THEM4: variants seen among roughly 807,000 people sequenced by gnomAD.
The protein encoded by THEM4 is acyl-coenzyme A thioesterase THEM4.
A neutral mutation model predicts 25.0 loss-of-function variants in THEM4; 22 were observed. The observed-to-expected ratio is 0.88, with a 90% CI of 0.63 to 1.26. The LOEUF is 1.26. Among genes scored for constraint, THEM4 ranks in the 50% most tolerant of loss-of-function variants. The pLI, the probability that THEM4 is intolerant of heterozygous loss-of-function variation, is 0.00. For missense variants in THEM4, 286 were observed against 300.3 expected, an observed-to-expected ratio of 0.95 and a Z score of 0.35; for synonymous variants, 113 against 105.6, an observed-to-expected ratio of 1.07 and a Z score of -0.43.
intron 5 of THEM4, 127 bp from the exon 6 acceptor site, chr1:151,875,055 C>T: frequency 3.8e-6 from 3 of 785,726 alleles, no homozygotes; most frequent in Non-Finnish European, 4.3e-6. Flanking sequence ...TCTATCTGTC[C>T]ACTCTCATTT....
chr1:151,884,797 T>C lies in THEM4; in HGVS notation c.557+3476A>G, dbSNP rs555303299. ...TCTGCCTCCTGGGTTCAAGTGATTC[T>C]CCTGCCTCAGCCTCCCAAGTAGCTG... On this transcript the variant is annotated intron_variant, in intron 4 of 5. Coordinates refer to ENST00000368814, the MANE Select transcript of THEM4 (RefSeq NM_053055.5). 2.0e-5 allele frequency among the ~76,000 whole-genome samples: 3 copies of C among 151,990 alleles called. No individual in the cohort carries two copies. In the South Asian group the frequency reaches 6.2e-4, roughly 31 times the overall value.
At position 151,895,121 on chromosome 1, in the gene THEM4, C is replaced by T; in HGVS notation, c.173G>A (p.Arg58Lys). 6.2e-7 allele frequency: 1 copy of T among 1,614,094 alleles called. No individual in the cohort carries two copies. Among genetic ancestry groups the T allele is most frequent in the Non-Finnish European group, 8.5e-7 (1 of 1,180,008 alleles). Residue 58 changes from arginine (R) to lysine (K), a missense_variant, in exon 2 of 6, where the codon AGA (arginine) becomes AAA (lysine). Physicochemically the swap from Arg to Lys is conservative, Grantham distance 26. Transcript: ENST00000368814. ...VPNPSWNKDL[R>K]LLFDQFMKKC... ...CTTCATAAACTGGTCAAAGAGCAGT[C>T]TTAGGTCCTTGTTCCAGCTGGGGTT...
rs1297419974 is a variant in THEM4 at position 151,871,336 on chromosome 1, A to G, written c.*3552T>C. Among the ~76,000 whole-genome samples the G allele has an allele frequency of 2.0e-5, 3 of 151,892 alleles. No individual in the cohort carries two copies. The highest frequency in any genetic ancestry group is 4.4e-5 in the Non-Finnish European group (3 of 67,986). On this transcript the variant is annotated 3_prime_UTR_variant, in exon 6 of 6. Coordinates refer to ENST00000368814, the MANE Select transcript of THEM4 (RefSeq NM_053055.5). ...CCAGACCCTGTCTTGAAAAAAAAAA[A>G]AAAAAAAGAAAAAGAAAAAAGAAAG...
Position 151,877,043 on chromosome 1 carries a change from C to A in THEM4, c.640G>T (p.Val214Phe), listed in dbSNP as rs751674738. 3 of 1,613,612 alleles carry A rather than the reference C, an allele frequency of 1.9e-6. No homozygotes were observed. The Middle Eastern group carries it at 5.0e-4, about 267-fold the overall frequency. Residue 214 changes from valine to phenylalanine, a missense_variant, in exon 5 of 6, where the codon GTT (valine) becomes TTT (phenylalanine). Physicochemically the swap from Val to Phe is conservative, Grantham distance 50. Coordinates refer to ENST00000368814, the MANE Select transcript of THEM4 (RefSeq NM_053055.5). ...AGGGTCTTCTCATCAACACTCTGAA[C>A]ATTACAGGAAACAAAAAATTTCCTT... ...EGRKFFVSCN[V>F]QSVDEKTLYS... is the part of the protein sequence containing the mutation.
chr1:151,878,293 C>T (rs1241833084), intron 4 of THEM4, among the ~76,000 whole-genome samples: 1 of 152,218 alleles, frequency 6.6e-6, no homozygotes, highest in African/African-American at 2.4e-5. Context: ...CCCTCCACTC[C>T]ACACACACAT....
intron 4 of THEM4, 33 bp from the exon 5 acceptor site, chr1:151,877,158 G>A: frequency 6.3e-7 from 1 of 1,583,500 alleles, no homozygotes; most frequent in Admixed American, 1.9e-5. Flanking sequence ...AAAAAAATCA[G>A]TTTTTATCTG....
At chr1:151,902,347 G>A (rs944334550) in intron 1 of THEM4, among the ~76,000 whole-genome samples, 9 of 152,202 alleles carry the variant, frequency 5.9e-5, no homozygotes, top group African/African-American at 2.2e-4. Flanking sequence ...CAAATTCCCA[G>A]TGACCTGGAT....
At chr1:151,882,662 T>C (rs1653870560) in intron 4 of THEM4, among the ~76,000 whole-genome samples, 1 of 152,194 alleles carries the variant, frequency 6.6e-6, no homozygotes, top group South Asian at 2.1e-4. Flanking sequence ...GTTGATGTAT[T>C]TATGGGATAT....
At chr1:151,885,696 T>C (rs951581232) in intron 4 of THEM4, among the ~76,000 whole-genome samples, 3 of 152,248 alleles carry the variant, frequency 2.0e-5, no homozygotes, top group Non-Finnish European at 4.4e-5. Flanking sequence ...GCTGAGATAT[T>C]TACCCTTTCA....
chr1:151,877,328 A>G (rs535507423), intron 4 of THEM4, among the ~76,000 whole-genome samples: 1 of 152,152 alleles, frequency 6.6e-6, no homozygotes, highest in Non-Finnish European at 1.5e-5. Flanking sequence ...CACTGCTCTC[A>G]GGTGGCTCCT....
rs923530594 is a variant in THEM4 at position 151,871,151 on chromosome 1, C to A, written c.*3737G>T. Among the ~76,000 whole-genome samples, 4 of 151,864 alleles carry A rather than the reference C, an allele frequency of 2.6e-5. No homozygotes were observed. Among genetic ancestry groups the A allele is most frequent in the Non-Finnish European group, 5.9e-5 (4 of 67,970 alleles). ...ACCAGACTGGGCAACATGGCAAAAC[C>A]CTGTCTCTACAAACAATACAAAAAT... On this transcript the variant is annotated 3_prime_UTR_variant, in exon 6 of 6. Coordinates refer to ENST00000368814, the MANE Select transcript of THEM4 (RefSeq NM_053055.5).
At chr1:151,882,493 A>C (rs530611031) in intron 4 of THEM4, among the ~76,000 whole-genome samples, 1 of 152,334 alleles carries the variant, frequency 6.6e-6, no homozygotes, top group African/African-American at 2.4e-5. Context: ...ATGGATGAGG[A>C]AACTGAGGCC....
At chr1:151,882,372 CAAAA>C (rs35928322) in intron 4 of THEM4, among the ~76,000 whole-genome samples, 9 of 104,994 alleles carry the variant, frequency 8.6e-5, no homozygotes, top group Admixed American at 9.7e-5. Context: ...GACTCCATCT[CAAAA>C]AAAAAAAAAA....
At chr1:151,894,907 T>C (rs994984414) in intron 2 of THEM4, 101 bp downstream of exon 2, 3 of 1,288,162 alleles carry the variant, frequency 2.3e-6, no homozygotes, top group Non-Finnish European at 3.4e-6. Flanking sequence ...TAATCCTGCA[T>C]TATATTCTTT....
chr1:151,881,480 TA>T (rs1234175364), intron 4 of THEM4, among the ~76,000 whole-genome samples: 2 of 152,240 alleles, frequency 1.3e-5, no homozygotes, highest in African/African-American at 4.8e-5. Context: ...GTCCACCATT[TA>T]GGAGCTCCCT....
chr1:151,879,659 C>CTTT (rs60809136), intron 4 of THEM4, among the ~76,000 whole-genome samples: 2 of 135,414 alleles, frequency 1.5e-5, no homozygotes, highest in Admixed American at 7.4e-5. Context: ...CTTTTCTTTT[C>CTTT]TTTTTTTTTT....
intron 2 of THEM4, chr1:151,890,186 T>C (rs955179224): frequency 1.3e-5 from 6 of 457,420 alleles, no homozygotes; most frequent in Admixed American, 1.2e-4. Flanking sequence ...ATTATAGGCG[T>C]GAGCCACAGC....
chr1:151,879,082 T>C (rs921321626), intron 4 of THEM4, among the ~76,000 whole-genome samples: 5 of 152,126 alleles, frequency 3.3e-5, no homozygotes, highest in Non-Finnish European at 7.3e-5. Flanking sequence ...ATTGAGAATA[T>C]TGTGAATATT....
At chr1:151,892,761 C>T (rs1654121784) in intron 2 of THEM4, among the ~76,000 whole-genome samples, 1 of 152,014 alleles carries the variant, frequency 6.6e-6, no homozygotes, top group Non-Finnish European at 1.5e-5. Context: ...TAAATTTCAA[C>T]CATTTAATTA....
Sources: gnomAD v4.1 joint callset for allele counts (sites outside exome capture counted in the v4.1 genomes callset) on GRCh38, gnomAD v4.1.1 for gene constraint, MANE v1.5 for transcripts, NCBI Gene and HGNC (gene_info 2026-07-23, HGNC 2026-07-21) for gene names.